NAA35: variants seen among roughly 807,000 people sequenced by gnomAD.
NAA35 encodes the protein N-alpha-acetyltransferase 35, NatC auxiliary subunit.
NAA35 carries 18 observed loss-of-function variants against 101.7 expected under a neutral mutation model. The observed-to-expected ratio is 0.18, with a 90% CI of 0.12 to 0.26. The LOEUF (loss-of-function observed/expected upper bound fraction) is 0.26, where lower values mean the gene tolerates loss of function less well. NAA35 is among the 10% of genes least tolerant of loss of function. The probability of loss-of-function intolerance (pLI) is 1.00; values close to 1 mark genes in which losing one functional copy is unlikely to be tolerated. For missense variants in NAA35, 601 were observed against 886.8 expected, an observed-to-expected ratio of 0.68 and a Z score of 4.09; for synonymous variants, 267 against 273.1, an observed-to-expected ratio of 0.98 and a Z score of 0.22.
rs1264756639 is a variant in NAA35 at position 86,023,410 on chromosome 9, G to T, written c.*1450G>T. 6.6e-6 allele frequency among the ~76,000 whole-genome samples: 1 copy of T among 152,036 alleles called. No homozygotes were observed. The highest frequency in any genetic ancestry group is 1.5e-5 in the Non-Finnish European group (1 of 68,010). ...AAGGCAAAGGAATGGTAGGAAATAGGCAAGACAAGAAACAAAGAATCAAAA... is the reference window on the plus strand; with the variant it reads ...AAGGCAAAGGAATGGTAGGAAATAGTCAAGACAAGAAACAAAGAATCAAAA... On this transcript the variant is annotated 3_prime_UTR_variant, in exon 23 of 23. Coordinates refer to ENST00000361671, the MANE Select transcript of NAA35 (RefSeq NM_024635.4).
chr9:85,958,563 C>A lies in NAA35; in HGVS notation c.250C>A (p.Leu84Ile). 6.2e-7 allele frequency: 1 copy of A among 1,610,608 alleles called. No individual in the cohort carries two copies. The highest frequency in any genetic ancestry group is 1.1e-5 in the South Asian group (1 of 90,660). Residue 84 changes from leucine to isoleucine, a missense_variant, in exon 4 of 23, where the codon CTC becomes ATC. Leu to Ile is a conservative substitution (Grantham distance 5). Transcript: ENST00000361671. ...TGGAAACCAAGTTAATCGAAAAGTT[C>A]TCAATTTTGAACAAGCTATCAAGGT... Reference protein sequence around the residue: ...MIGNQVNRKVLNFEQAIKDGT... With the variant: ...MIGNQVNRKVINFEQAIKDGT...
At chr9:85,959,210 A>T (rs1328432110) in intron 4 of NAA35, among the ~76,000 whole-genome samples, 1 of 151,952 alleles carries the variant, frequency 6.6e-6, no homozygotes, top group Non-Finnish European at 1.5e-5. Flanking sequence ...CCCCGTCTCT[A>T]CTAAAAATAC....
chr9:85,942,262 G>T lies in NAA35; in HGVS notation c.103G>T (p.Asp35Tyr), dbSNP rs1434423007. The T allele has an allele frequency of 6.2e-7, 1 of 1,613,952 alleles. No homozygotes were observed. Among genetic ancestry groups the T allele is most frequent in the African/African-American group, 1.3e-5 (1 of 75,022 alleles). Residue 35 changes from aspartate (D) to tyrosine (Y), a missense_variant, in exon 2 of 23, where the codon GAT (aspartate) becomes TAT (tyrosine). Physicochemically the swap from Asp to Tyr is radical, Grantham distance 160. Transcript: ENST00000361671. ...TACAAACTGGGTGGACATTACCCAA[G>T]ATTTTGAAGAAGCTTGTCGAGGTGA... is the stretch of plus-strand genomic sequence containing the variant. ...SNTNWVDITQ[D>Y]FEEACRELKL...
At chr9:85,980,456 C>T (rs932555313) in intron 11 of NAA35, among the ~76,000 whole-genome samples, 4 of 152,002 alleles carry the variant, frequency 2.6e-5, no homozygotes, top group Admixed American at 6.6e-5. Context: ...AGACAGCACT[C>T]GGAGAGTCTA....
At chr9:86,018,972 TCAAA>T (rs1321768487) in intron 21 of NAA35, 151 bp downstream of exon 21, 1 of 971,060 alleles carries the variant, frequency 1.0e-6, no homozygotes, top group Non-Finnish European at 1.5e-6. Flanking sequence ...GGTAGTTTTG[TCAAA>T]CTAACGTTGT....
chr9:86,010,067 A>G (rs1831831748), intron 15 of NAA35, 136 bp downstream of exon 15: 1 of 667,048 alleles, frequency 1.5e-6, no homozygotes, highest in Non-Finnish European at 2.7e-6. Flanking sequence ...CCTGGCCAAC[A>G]TAGTGAAACC....
intron 11 of NAA35, among the ~76,000 whole-genome samples, chr9:85,984,174 A>T (rs923496270): frequency 3.3e-5 from 5 of 152,088 alleles, no homozygotes; most frequent in African/African-American, 1.2e-4. Flanking sequence ...CAAAAAATTT[A>T]AAAATTAGCC....
At chr9:86,014,497 TAATG>T (rs1161314871) in intron 17 of NAA35, 1 of 257,974 alleles carries the variant, frequency 3.9e-6, no homozygotes, top group Non-Finnish European at 6.1e-6. Context: ...GATTGAGTGT[TAATG>T]AATTCAGTTA....
intron 11 of NAA35, among the ~76,000 whole-genome samples, chr9:85,993,952 G>A (rs556497882): frequency 1.1e-3 from 163 of 151,850 alleles, no homozygotes; most frequent in Non-Finnish European, 2.0e-3. Context: ...AGGACTACAG[G>A]CATGAGCCAG....
chr9:85,953,469 C>T (rs1829110462), intron 2 of NAA35, among the ~76,000 whole-genome samples: 1 of 152,162 alleles, frequency 6.6e-6, no homozygotes, highest in East Asian at 1.9e-4. Context: ...CCCTGTTGGC[C>T]AGGATGGAGT....
intron 3 of NAA35, among the ~76,000 whole-genome samples, chr9:85,957,359 G>A (rs764374250): frequency 2.1e-4 from 32 of 152,178 alleles, no homozygotes; most frequent in Non-Finnish European, 4.0e-4. Flanking sequence ...GGAAGGAAGA[G>A]GAAGTTAGTC....
chr9:85,957,967 G>A lies in NAA35; in HGVS notation c.159-505G>A, dbSNP rs184362136. On this transcript the variant is annotated intron_variant, in intron 3 of 22. Transcript: ENST00000361671. ...TTCTTTTTTTTTTTTTTGAGAGGGA[G>A]TTTCACTCTTGTTGCCCAGGCTGGA... is the stretch of plus-strand genomic sequence containing the variant. 1.3e-3 allele frequency among the ~76,000 whole-genome samples: 190 copies of A among 150,602 alleles called. 4 individuals are homozygous for A. The South Asian group carries it at 0.033, about 26-fold the overall frequency.
intron 11 of NAA35, among the ~76,000 whole-genome samples, chr9:85,992,153 A>C (rs1564311926): frequency 6.7e-6 from 1 of 149,168 alleles, no homozygotes; most frequent in South Asian, 2.2e-4. Context: ...CAGCCTGGGC[A>C]ACAGAGCAAG....
intron 6 of NAA35, among the ~76,000 whole-genome samples, chr9:85,973,665 AAAATTT>A: frequency 6.6e-6 from 1 of 152,126 alleles, no homozygotes; most frequent in East Asian, 1.9e-4. Flanking sequence ...TTGGAGATGT[AAAATTT>A]GAGAATCCTG....
At position 85,948,201 on chromosome 9, in the gene NAA35, T is replaced by C. The variant is rs1443500223; in HGVS notation, c.124+5918T>C. On this transcript the variant is annotated intron_variant, in intron 2 of 22. Coordinates refer to ENST00000361671, the MANE Select transcript of NAA35 (RefSeq NM_024635.4). Reference sequence around the variant, plus strand: ...TAGCTACACTGTGGATATGCAAATATTATTCATAGCTGAGCCAAGGAGTAA... The same window carrying C: ...TAGCTACACTGTGGATATGCAAATACTATTCATAGCTGAGCCAAGGAGTAA... Among the ~76,000 whole-genome samples the C allele has an allele frequency of 2.0e-5, 3 of 152,190 alleles. No homozygotes were observed. In the East Asian group the frequency reaches 5.8e-4, roughly 29 times the overall value.
intron 15 of NAA35, among the ~76,000 whole-genome samples, 186 bp downstream of exon 15, chr9:86,010,117 G>A (rs1020574076): frequency 2.6e-5 from 4 of 152,086 alleles, no homozygotes; most frequent in Non-Finnish European, 4.4e-5. Flanking sequence ...GTATGGTGGC[G>A]CACGCCTGTA....
chr9:85,978,258 AT>A lies in NAA35; in HGVS notation c.763-6del. 6.5e-7 allele frequency: 1 copy of A among 1,543,200 alleles called. No homozygotes were observed. The highest frequency in any genetic ancestry group is 9.0e-7 in the Non-Finnish European group (1 of 1,116,420). On this transcript the variant is annotated splice_region_variant and splice_polypyrimidine_tract_variant and intron_variant, in intron 10 of 22. Transcript: ENST00000361671. ...TATGTAAGAATGTTTTTGGTGATTT[AT>A]TTGCTAGACCAGTGCTGTTGCAGAA...
At chr9:85,996,632 A>G (rs1281893850) in intron 12 of NAA35, 55 bp downstream of exon 12, 2 of 1,316,832 alleles carry the variant, frequency 1.5e-6, no homozygotes, top group East Asian at 2.5e-5. Flanking sequence ...AAATTGATAC[A>G]TAATAATTGT....
At chr9:85,988,949 A>T (rs577343356) in intron 11 of NAA35, among the ~76,000 whole-genome samples, 314 of 152,326 alleles carry the variant, frequency 2.1e-3, no homozygotes, top group African/African-American at 7.1e-3. Context: ...GAACAGTATA[A>T]TGGAACAGAA....
Sources: gnomAD v4.1 joint callset for allele counts (sites outside exome capture counted in the v4.1 genomes callset) on GRCh38, gnomAD v4.1.1 for gene constraint, MANE v1.5 for transcripts, NCBI Gene and HGNC (gene_info 2026-07-23, HGNC 2026-07-21) for gene names.